Variants in YES1 observed in about 807,000 individuals in gnomAD.
YES1 encodes tyrosine-protein kinase Yes.
YES1 carries 39 observed loss-of-function variants against 70.4 expected under a neutral mutation model. The ratio of observed to expected loss-of-function variants is 0.55; its 90% CI spans 0.43 to 0.72. The LOEUF is 0.72. Among genes scored for constraint, YES1 ranks in the 30% least tolerant of loss-of-function variants. The pLI, the probability that YES1 is intolerant of heterozygous loss-of-function variation, is 0.00. For synonymous variants in YES1, 198 were observed against 218.6 expected, an observed-to-expected ratio of 0.91 and a Z score of 0.83; for missense variants, 495 against 644.8, an observed-to-expected ratio of 0.77 and a Z score of 2.52.
chr18:765,800 T>G lies in YES1; in HGVS notation c.-8-8965A>C, dbSNP rs547667738. Among the ~76,000 whole-genome samples the G allele has an allele frequency of 1.3e-4, 20 of 152,308 alleles. 1 individual carries two copies. Among genetic ancestry groups the G allele is most frequent in the South Asian group, 1.0e-3 (5 of 4,826 alleles). ...AAGACAAAATCAAGTCAAGTGGCACTTAAAATGATTTTTTTAAAGGCCAGC... is the reference window on the plus strand; with the variant it reads ...AAGACAAAATCAAGTCAAGTGGCACGTAAAATGATTTTTTTAAAGGCCAGC... On this transcript the variant is annotated intron_variant, in intron 1 of 11. Coordinates refer to ENST00000314574, the MANE Select transcript of YES1 (RefSeq NM_005433.4).
At chr18:801,938 A>G (rs1001056191) in intron 1 of YES1, among the ~76,000 whole-genome samples, 3 of 150,666 alleles carry the variant, frequency 2.0e-5, no homozygotes, top group African/African-American at 7.3e-5. Flanking sequence ...TGGACTTACT[A>G]TATCATTTTC....
intron 1 of YES1, among the ~76,000 whole-genome samples, chr18:807,276 G>T (rs959791240): frequency 7.3e-5 from 11 of 151,492 alleles, no homozygotes; most frequent in African/African-American, 2.4e-4. Flanking sequence ...AGAGGTTGCA[G>T]TGAGCCAAGA....
At chr18:724,941 A>G (rs1421270625) in intron 11 of YES1, among the ~76,000 whole-genome samples, 1 of 152,170 alleles carries the variant, frequency 6.6e-6, no homozygotes, top group Non-Finnish European at 1.5e-5. Flanking sequence ...GTACTTTCTA[A>G]TATTAACATT....
intron 1 of YES1, among the ~76,000 whole-genome samples, chr18:765,276 A>AG (rs1904838493): frequency 2.4e-5 from 2 of 84,970 alleles, no homozygotes. Flanking sequence ...ATATATATAT[A>AG]TATATATATA....
intron 1 of YES1, among the ~76,000 whole-genome samples, chr18:800,440 G>T (rs916945586): frequency 2.0e-5 from 3 of 152,164 alleles, no homozygotes; most frequent in African/African-American, 7.2e-5. Flanking sequence ...CAACCTTTAT[G>T]TAAAGACTTA....
chr18:749,824 C>A (rs1166393798), intron 3 of YES1, among the ~76,000 whole-genome samples: 2 of 149,148 alleles, frequency 1.3e-5, no homozygotes, highest in Admixed American at 1.3e-4. Context: ...TGCGCCACTG[C>A]ACTCCAGCCT....
At position 743,342 on chromosome 18, in the gene YES1, T is replaced by C. The variant is rs746748992; in HGVS notation, c.798A>G (p.Ala266=). ...PTVKPQTQGL[A]KDAWEIPRES... ...CTCGAGGGATTTCCCAAGCATCTTT[T>C]GCTAGACCTTGAGTCTGAGGTTTCA... is the stretch of plus-strand genomic sequence containing the variant. The change falls in exon 7 of 12, where the codon GCA becomes GCG. Residue 266 remains alanine (A), a synonymous_variant. Transcript: ENST00000314574. 1.9e-6 allele frequency: 3 copies of C among 1,612,814 alleles called. No homozygotes were observed. Among genetic ancestry groups the C allele is most frequent in the Non-Finnish European group, 1.7e-6 (2 of 1,180,026 alleles).
intron 4 of YES1, among the ~76,000 whole-genome samples, chr18:747,076 C>G (rs1464280819): frequency 6.6e-6 from 1 of 152,162 alleles, no homozygotes; most frequent in African/African-American, 2.4e-5. Flanking sequence ...TCATATAAAA[C>G]TAACTGAAAG....
At chr18:778,925 G>C (rs758409901) in intron 1 of YES1, among the ~76,000 whole-genome samples, 3 of 152,106 alleles carry the variant, frequency 2.0e-5, no homozygotes, top group African/African-American at 4.8e-5. Context: ...GTTAGCAATG[G>C]ACAACTGATC....
chr18:754,220 C>T (rs2080377733), intron 2 of YES1, among the ~76,000 whole-genome samples: 1 of 152,194 alleles, frequency 6.6e-6, no homozygotes, highest in Non-Finnish European at 1.5e-5. Context: ...TCTGTGGGGT[C>T]CTGAGTAATC....
intron 10 of YES1, 103 bp downstream of exon 10, chr18:736,705 G>A: frequency 7.0e-7 from 1 of 1,429,522 alleles, no homozygotes; most frequent in Non-Finnish European, 9.3e-7. Flanking sequence ...TGACTCTTCT[G>A]AGGGAAGCTA....
chr18:729,916 C>T lies in YES1; in HGVS notation c.1423+2918G>A, dbSNP rs373762915. 2.5e-4 allele frequency among the ~76,000 whole-genome samples: 38 copies of T among 152,276 alleles called. No homozygotes were observed. In the South Asian group the frequency reaches 5.0e-3, roughly 20 times the overall value. Reference sequence around the variant, plus strand: ...TTGGGATTACAGGCGTGAGCCACAGCGCCCAGCCAGATTTTGAACTCTTGA... The same window carrying T: ...TTGGGATTACAGGCGTGAGCCACAGTGCCCAGCCAGATTTTGAACTCTTGA... On this transcript the variant is annotated intron_variant, in intron 11 of 11. Coordinates refer to ENST00000314574, the MANE Select transcript of YES1 (RefSeq NM_005433.4).
At chr18:774,067 G>A (rs375791817) in intron 1 of YES1, among the ~76,000 whole-genome samples, 6 of 152,154 alleles carry the variant, frequency 3.9e-5, no homozygotes, top group East Asian at 3.8e-4. Flanking sequence ...TCCTGACCTT[G>A]TGATCCACCC....
chr18:809,171 G>A (rs768216394), intron 1 of YES1, among the ~76,000 whole-genome samples: 5 of 151,890 alleles, frequency 3.3e-5, no homozygotes, highest in Non-Finnish European at 7.4e-5. Context: ...AAGCCGAAGC[G>A]GATTTTAATT....
chr18:805,625 C>G (rs2145841751), intron 1 of YES1, among the ~76,000 whole-genome samples: 1 of 152,306 alleles, frequency 6.6e-6, no homozygotes, highest in Non-Finnish European at 1.5e-5. Context: ...AAACTAAAAT[C>G]TAGATAGTGT....
At chr18:757,318 A>G (rs1006790206) in intron 1 of YES1, among the ~76,000 whole-genome samples, 2 of 151,668 alleles carry the variant, frequency 1.3e-5, no homozygotes, top group Non-Finnish European at 2.9e-5. Flanking sequence ...CCTGGCTAAC[A>G]CGGTGAAACC....
chr18:734,769 C>T (rs1294681423), intron 10 of YES1, among the ~76,000 whole-genome samples: 3 of 151,768 alleles, frequency 2.0e-5, no homozygotes, highest in Admixed American at 2.0e-4. Flanking sequence ...TAAATTAGTA[C>T]AACCACTATG....
At chr18:796,645 T>C (rs187789566) in intron 1 of YES1, among the ~76,000 whole-genome samples, 3 of 152,088 alleles carry the variant, frequency 2.0e-5, no homozygotes, top group Non-Finnish European at 2.9e-5. Flanking sequence ...CAGGCATCTG[T>C]AGTCTCAGTT....
chr18:783,105 T>G (rs1448965901), intron 1 of YES1, among the ~76,000 whole-genome samples: 1 of 151,952 alleles, frequency 6.6e-6, no homozygotes, highest in East Asian at 1.9e-4. Flanking sequence ...ATATAGCCAC[T>G]AGGTTTGGTG....
Sources: allele counts gnomAD v4.1 joint callset (sites outside exome capture counted in the v4.1 genomes callset), GRCh38; gene constraint gnomAD v4.1.1; transcripts MANE v1.5; gene names NCBI Gene and HGNC (gene_info 2026-07-23, HGNC 2026-07-21).